SPON1: variants seen among roughly 807,000 people sequenced by gnomAD.
SPON1 encodes the protein spondin 1.
A neutral mutation model predicts 111.7 loss-of-function variants in SPON1; 52 were observed. That is an observed-to-expected ratio of 0.47 (90% CI 0.37 to 0.59). SPON1 has a LOEUF of 0.59. SPON1 is among the 20% of genes least tolerant of loss of function. SPON1 has a pLI of 0.00. For missense variants in SPON1, 957 were observed against 1,068.5 expected (o/e 0.90, Z 1.46); for synonymous variants, 410 against 395.8 (o/e 1.04, Z -0.43).
chr11:14,052,067 G>A (rs139943929), intron 3 of SPON1, among the ~76,000 whole-genome samples: 2 of 152,240 alleles, frequency 1.3e-5, no homozygotes, highest in Non-Finnish European at 2.9e-5. Flanking sequence ...CCCACCTTCT[G>A]CCTCAGTAGG....
At chr11:14,194,567 C>CACAG (rs150398912) in intron 6 of SPON1, among the ~76,000 whole-genome samples, 9,871 of 139,288 alleles carry the variant, frequency 0.071, 1,160 homozygotes, top group African/African-American at 0.16. Flanking sequence ...CACACACACA[C>CACAG]GGACTGCCTG....
At chr11:14,246,709 G>C (rs1398179536) in intron 7 of SPON1, among the ~76,000 whole-genome samples, 1 of 152,140 alleles carries the variant, frequency 6.6e-6, no homozygotes, top group Non-Finnish European at 1.5e-5. Flanking sequence ...AAGGTGCTTA[G>C]GGCAACTGTG....
intron 3 of SPON1, among the ~76,000 whole-genome samples, chr11:14,052,769 A>G (rs1297831712): frequency 6.6e-6 from 1 of 152,226 alleles, no homozygotes; most frequent in African/African-American, 2.4e-5. Flanking sequence ...GTTTCATTCA[A>G]CAGCTGGGAT....
At chr11:13,986,631 G>A (rs1428556314) in intron 2 of SPON1, among the ~76,000 whole-genome samples, 2 of 150,140 alleles carry the variant, frequency 1.3e-5, no homozygotes, top group African/African-American at 4.9e-5. Context: ...TGCTACATAG[G>A]TATACATGTG....
intron 6 of SPON1, among the ~76,000 whole-genome samples, chr11:14,234,867 G>T (rs939737404): frequency 6.6e-6 from 1 of 152,260 alleles, no homozygotes; most frequent in Non-Finnish European, 1.5e-5. Context: ...TCATCTTCTA[G>T]TGGATCTGCT....
intron 3 of SPON1, among the ~76,000 whole-genome samples, chr11:14,074,285 G>A (rs1466700685): frequency 1.3e-5 from 2 of 152,198 alleles, no homozygotes; most frequent in Non-Finnish European, 2.9e-5. Context: ...ACTAGATGTA[G>A]AGTAGATATT....
intron 2 of SPON1, among the ~76,000 whole-genome samples, chr11:14,010,250 G>A (rs1254561612): frequency 1.3e-5 from 2 of 152,130 alleles, no homozygotes; most frequent in Non-Finnish European, 2.9e-5. Flanking sequence ...AAGGACAGAG[G>A]GCAGGCTGGA....
chr11:14,190,930 C>T (rs914823637), intron 6 of SPON1, among the ~76,000 whole-genome samples: 2 of 152,008 alleles, frequency 1.3e-5, no homozygotes, highest in South Asian at 2.1e-4. Flanking sequence ...TGAGCCACCA[C>T]GCCCAGCTTC....
chr11:14,239,465 C>T (rs907975450), intron 6 of SPON1, among the ~76,000 whole-genome samples: 2 of 152,288 alleles, frequency 1.3e-5, no homozygotes, highest in Middle Eastern at 3.4e-3. Context: ...GTGGCTCACA[C>T]CTGTAATCCC....
intron 5 of SPON1, among the ~76,000 whole-genome samples, chr11:14,084,758 CCCA>C (rs1848992067): frequency 6.6e-6 from 1 of 152,228 alleles, no homozygotes; most frequent in African/African-American, 2.4e-5. Context: ...AATTTACACT[CCCA>C]CCAACAGTGT....
At chr11:14,125,423 G>A (rs1177316286) in intron 5 of SPON1, among the ~76,000 whole-genome samples, 2 of 152,160 alleles carry the variant, frequency 1.3e-5, no homozygotes, top group Admixed American at 1.3e-4. Context: ...AAAGGAGGAG[G>A]GGAGCCTAGA....
At chr11:14,196,118 G>GA (rs1280415160) in intron 6 of SPON1, among the ~76,000 whole-genome samples, 3 of 151,980 alleles carry the variant, frequency 2.0e-5, no homozygotes, top group South Asian at 2.1e-4. Context: ...TTTTATAGGA[G>GA]AAAAAAAATT....
intron 6 of SPON1, among the ~76,000 whole-genome samples, chr11:14,227,347 T>C (rs1429449103): frequency 6.6e-6 from 1 of 152,170 alleles, no homozygotes; most frequent in African/African-American, 2.4e-5. Flanking sequence ...AATGTAAGAT[T>C]CCCTGAATTT....
At position 14,243,381 on chromosome 11, in the gene SPON1, G is replaced by C. The variant is rs186938061; in HGVS notation, c.875G>C (p.Trp292Ser). Reference sequence around the variant, plus strand: ...AAAGCCAAAGCCCAATGGCCAGCCTGGCAGCCTCTCAACGTGTAAGTAACA... The same window carrying C: ...AAAGCCAAAGCCCAATGGCCAGCCTCGCAGCCTCTCAACGTGTAAGTAACA... ...VIKAKAQWPA[W>S]QPLNVRAAPS... is the part of the protein sequence containing the mutation. The change falls in exon 7 of 16, where the codon TGG becomes TCG. Residue 292 changes from tryptophan (W) to serine (S), a missense_variant. By Grantham distance (177) the Trp-to-Ser change is radical. Coordinates refer to ENST00000576479, the MANE Select transcript of SPON1 (RefSeq NM_006108.4). 28 of 1,576,352 alleles carry C rather than the reference G, an allele frequency of 1.8e-5. No homozygotes were observed. In the African/African-American group the frequency reaches 3.4e-4, roughly 19 times the overall value.
At position 13,962,879 on chromosome 11, in the gene SPON1, G is replaced by A. The variant is rs1554907610; in HGVS notation, c.-26G>A. The A allele has an allele frequency of 2.1e-6, 3 of 1,440,652 alleles. No homozygotes were observed. Among genetic ancestry groups the A allele is most frequent in the East Asian group, 2.8e-5 (1 of 35,266 alleles). 89.2% of individuals were successfully genotyped at this position (1,440,652 alleles called of 1,614,324 possible). ...AGTCGCGTGGCGAAGGCCTGCGGCC[G>A]CGGCACAAAGTTGGGGGCCGCGAAG... On this transcript the variant is annotated 5_prime_UTR_variant, in exon 1 of 16. Coordinates refer to ENST00000576479, the MANE Select transcript of SPON1 (RefSeq NM_006108.4).
At chr11:14,160,618 T>TTAC (rs1847914844) in intron 6 of SPON1, among the ~76,000 whole-genome samples, 1 of 26,346 alleles carries the variant, frequency 3.8e-5, no homozygotes, top group South Asian at 1.4e-3. Context: ...TATATATATT[T>TTAC]ATATATATAT....
At chr11:14,064,545 G>A (rs1848817741) in intron 3 of SPON1, among the ~76,000 whole-genome samples, 1 of 152,212 alleles carries the variant, frequency 6.6e-6, no homozygotes, top group Non-Finnish European at 1.5e-5. Context: ...GCACCCCAGT[G>A]TTCAGAATTG....
intron 6 of SPON1, among the ~76,000 whole-genome samples, chr11:14,233,261 C>T (rs78877528): frequency 0.011 from 1,669 of 152,300 alleles, 33 homozygotes; most frequent in African/African-American, 0.038. Context: ...GCTGAGCCGA[C>T]CTGTAAAATA....
Position 14,098,369 on chromosome 11 carries a change from A to G in SPON1, c.676+18348A>G, listed in dbSNP as rs1362932598. ...TTCAATCTCTTTTGTGGAGTATTAT[A>G]ATTACTAGTTTTCAATTTGCTAGAC... On this transcript the variant is annotated intron_variant, in intron 5 of 15. Coordinates refer to ENST00000576479, the MANE Select transcript of SPON1 (RefSeq NM_006108.4). 3.9e-5 allele frequency among the ~76,000 whole-genome samples: 6 copies of G among 152,286 alleles called. No homozygotes were observed. The East Asian group carries it at 7.7e-4, about 20-fold the overall frequency.
Sources: allele counts gnomAD v4.1 joint callset (sites outside exome capture counted in the v4.1 genomes callset), GRCh38; gene constraint gnomAD v4.1.1; transcripts MANE v1.5; gene names NCBI Gene and HGNC (gene_info 2026-07-23, HGNC 2026-07-21).